The following CACNA2D4 variants were observed in gnomAD, a reference collection of about 807,000 sequenced individuals.
CACNA2D4 encodes calcium voltage-gated channel auxiliary subunit alpha2delta 4.
In CACNA2D4, 157 loss-of-function variants were observed where a neutral mutation model predicts 163.8. The observed-to-expected ratio is 0.96, with a 90% confidence interval of 0.84 to 1.09. CACNA2D4 has a LOEUF of 1.09. CACNA2D4 is among the 50% of genes least tolerant of loss of function. The pLI is 0.00. For synonymous variants in CACNA2D4, 598 were observed against 586.9 expected (o/e 1.02, Z -0.27); for missense variants, 1,410 against 1,479.9 (o/e 0.95, Z 0.78).
chr12:1,821,057 G>A (rs1864079208), intron 26 of CACNA2D4, among the ~76,000 whole-genome samples: 1 of 152,236 alleles, frequency 6.6e-6, no homozygotes, highest in Admixed American at 6.5e-5. Flanking sequence ...GGATTCTGCT[G>A]GGAAGTGGGG....
chr12:1,901,214 A>G (rs1360674226), intron 6 of CACNA2D4, among the ~76,000 whole-genome samples: 1 of 152,180 alleles, frequency 6.6e-6, no homozygotes, highest in Non-Finnish European at 1.5e-5. Flanking sequence ...ACTAAGATGG[A>G]AGTTTGTAGC....
At chr12:1,885,825 C>T (rs760618083) in intron 9 of CACNA2D4, 140 bp downstream of exon 9, 87 of 651,500 alleles carry the variant, frequency 1.3e-4, no homozygotes, top group Admixed American at 6.5e-4. Flanking sequence ...GGGTTGTTTG[C>T]ATGGGTAACG....
chr12:1,829,571 T>G lies in CACNA2D4; in HGVS notation c.2551+11168A>C, dbSNP rs1371008448. 6.6e-6 allele frequency among the ~76,000 whole-genome samples: 1 copy of G among 151,998 alleles called. No homozygotes were observed. The highest frequency in any genetic ancestry group is 1.5e-5 in the Non-Finnish European group (1 of 67,980). The stretch of plus-strand genomic sequence containing the variant: ...GTCAGCTCTCAGCTGTCATCGATCC[T>G]CCAGGCAGGGAAGGGGAGAGTCTCA... On this transcript the variant is annotated intron_variant, in intron 26 of 37. Transcript: ENST00000382722. This position sits in a 1 kb window ranked among gnomAD's most constrained non-coding sequence, Gnocchi z 4.2.
intron 18 of CACNA2D4, among the ~76,000 whole-genome samples, chr12:1,871,632 C>T (rs1028502017): frequency 4.8e-5 from 7 of 146,684 alleles, no homozygotes; most frequent in South Asian, 2.2e-4. Flanking sequence ...CATGTGTACA[C>T]GCGTGTTACT....
intron 37 of CACNA2D4, among the ~76,000 whole-genome samples, chr12:1,794,436 GAGTT>G (rs1863054151): frequency 6.6e-6 from 1 of 152,202 alleles, no homozygotes; most frequent in Non-Finnish European, 1.5e-5. Flanking sequence ...ACACTATTGA[GAGTT>G]AGCATTAGAG....
chr12:1,913,127 C>T lies in CACNA2D4; in HGVS notation c.322G>A (p.Val108Met), dbSNP rs1411523924. The part of the protein sequence containing the change: ...SLLLQKKYKD[V>M]ESSLKIEEVD... ...TCCTCGATCTTCAGACTGGACTCCA[C>T]ATCCTTGTACTTCTGTTTGGGGAAA... Residue 108 changes from valine (V) to methionine (M), a missense_variant, in exon 3 of 38, where the codon GTG (valine) becomes ATG (methionine). Coordinates refer to ENST00000382722, the MANE Select transcript of CACNA2D4 (RefSeq NM_172364.5). 1.2e-6 allele frequency: 2 copies of T among 1,612,158 alleles called. No individual in the cohort carries two copies. The highest frequency in any genetic ancestry group is 1.7e-6 in the Non-Finnish European group (2 of 1,178,204).
chr12:1,800,039 A>G lies in CACNA2D4; in HGVS notation c.2935T>C (p.Trp979Arg), dbSNP rs1467139709. 1 of 1,601,892 alleles carries G rather than the reference A, an allele frequency of 6.2e-7. No individual in the cohort carries two copies. Among genetic ancestry groups the G allele is most frequent in the Non-Finnish European group, 8.5e-7 (1 of 1,174,636 alleles). ...TCGTACCAGGAGCCCCAGACACTCCACTCCAGCAGGAACCTGTCAGACACA... is the reference window on the plus strand; with the variant it reads ...TCGTACCAGGAGCCCCAGACACTCCGCTCCAGCAGGAACCTGTCAGACACA... Reference protein sequence around the residue: ...LQELVLFLLEWSVWGSWYDRG... With the variant: ...LQELVLFLLERSVWGSWYDRG... Residue 979 changes from tryptophan to arginine, a missense_variant, in exon 33 of 38, where the codon TGG becomes CGG. Physicochemically the swap from Trp to Arg is moderately radical, Grantham distance 101. Transcript: ENST00000382722.
rs1372944094 is a variant in CACNA2D4 at position 1,869,725 on chromosome 12, A to G, written c.1878+4879T>C. Among the ~76,000 whole-genome samples, 1 of 152,066 alleles carries G rather than the reference A, an allele frequency of 6.6e-6. No homozygotes were observed. The highest frequency in any genetic ancestry group is 2.4e-5 in the African/African-American group (1 of 41,332). ...AGTTTCATAAGGTCTAATCCCTACGATAAAATCCTACATTCTATCACTCCC... is the reference window on the plus strand; with the variant it reads ...AGTTTCATAAGGTCTAATCCCTACGGTAAAATCCTACATTCTATCACTCCC... On this transcript the variant is annotated intron_variant, in intron 18 of 37. Coordinates refer to ENST00000382722, the MANE Select transcript of CACNA2D4 (RefSeq NM_172364.5). This position sits in a 1 kb window ranked among gnomAD's most constrained non-coding sequence, Gnocchi z 4.7.
Position 1,792,481 on chromosome 12 carries a change from G to T in CACNA2D4, c.*1174C>A, listed in dbSNP as rs1592641464. On this transcript the variant is annotated 3_prime_UTR_variant, in exon 38 of 38. Transcript: ENST00000382722. ...GGGAAGCGCCCCAAAAGCCCTGCATGCTGTCCATACCCATCACTGGGGTTT... is the reference window on the plus strand; with the variant it reads ...GGGAAGCGCCCCAAAAGCCCTGCATTCTGTCCATACCCATCACTGGGGTTT... 1 of 152,262 alleles carries T rather than the reference G, an allele frequency of 6.6e-6. No homozygotes were observed. The highest frequency in any genetic ancestry group is 1.5e-5 in the Non-Finnish European group (1 of 68,078). The allele number at this position is 152,262 out of a possible 1,614,324, so 9.4% of individuals were successfully genotyped here.
At chr12:1,856,803 C>T (rs985385148) in intron 20 of CACNA2D4, among the ~76,000 whole-genome samples, 1 of 152,194 alleles carries the variant, frequency 6.6e-6, no homozygotes, top group Non-Finnish European at 1.5e-5. Flanking sequence ...AGCTGATGCT[C>T]CATGGCACCT....
At chr12:1,796,480 C>G (rs1863131437) in intron 35 of CACNA2D4, among the ~76,000 whole-genome samples, 1 of 152,244 alleles carries the variant, frequency 6.6e-6, no homozygotes, top group Non-Finnish European at 1.5e-5. Context: ...CGGGGGAGCG[C>G]AGAGCCAGTT....
At position 1,834,264 on chromosome 12, in the gene CACNA2D4, T is replaced by C. The variant is rs1197742097; in HGVS notation, c.2551+6475A>G. ...AGCCCCTCTTTTTCTCTTCTGCATG[T>C]AGGGGGACGCTTGGACCAGCTTGCC... On this transcript the variant is annotated intron_variant, in intron 26 of 37. Coordinates refer to ENST00000382722, the MANE Select transcript of CACNA2D4 (RefSeq NM_172364.5). This position sits in a 1 kb window ranked among gnomAD's most constrained non-coding sequence, Gnocchi z 7.6. 3.8e-6 allele frequency: 6 copies of C among 1,558,968 alleles called. No individual in the cohort carries two copies. The highest frequency in any genetic ancestry group is 1.8e-5 in the Admixed American group (1 of 54,644).
chr12:1,901,836 C>T (rs956773987), intron 6 of CACNA2D4, among the ~76,000 whole-genome samples: 14 of 152,066 alleles, frequency 9.2e-5, no homozygotes, highest in African/African-American at 3.1e-4. Flanking sequence ...GGAAATACTT[C>T]CAAACTCAGT....
intron 18 of CACNA2D4, among the ~76,000 whole-genome samples, chr12:1,868,794 A>G (rs1245820410): frequency 6.6e-6 from 1 of 152,160 alleles, no homozygotes; most frequent in Non-Finnish European, 1.5e-5. Context: ...GTGGATCAAA[A>G]AGTATTCCAG....
chr12:1,869,702 T>C lies in CACNA2D4; in HGVS notation c.1878+4902A>G, dbSNP rs890405875. Among the ~76,000 whole-genome samples, 3 of 152,166 alleles carry C rather than the reference T, an allele frequency of 2.0e-5. No homozygotes were observed. The highest frequency in any genetic ancestry group is 7.2e-5 in the African/African-American group (3 of 41,424). ...TAGATTTCATAAACAGCTCCCACAG[T>C]TTCATAAGGTCTAATCCCTACGATA... On this transcript the variant is annotated intron_variant, in intron 18 of 37. Transcript: ENST00000382722. The surrounding 1 kb of genome is among the most constrained non-coding windows in gnomAD (Gnocchi z 4.7).
chr12:1,819,792 T>C (rs1312984704), intron 26 of CACNA2D4, among the ~76,000 whole-genome samples: 1 of 152,224 alleles, frequency 6.6e-6, no homozygotes. Flanking sequence ...CAAGGAGCCC[T>C]GAGAAGCCAA....
chr12:1,865,741 A>AGCCGGGGCGCGGGG (rs1410815133), intron 18 of CACNA2D4, among the ~76,000 whole-genome samples: 7 of 152,070 alleles, frequency 4.6e-5, no homozygotes, highest in African/African-American at 1.7e-4. Flanking sequence ...GTGTGTGGGG[A>AGCCGGGGCGCGGGG]ACCGGGGCGC....
In CACNA2D4 at chr12:1,873,755, C is replaced by T. The variant is rs370971201; in HGVS notation, c.1878+849G>A. On this transcript the variant is annotated intron_variant, in intron 18 of 37. Coordinates refer to ENST00000382722, the MANE Select transcript of CACNA2D4 (RefSeq NM_172364.5). ...TGACCTCACTATAGTGCCCAGTCTG[C>T]CTGCAGGAGGCCTTTCTCAGCCCAG... 1.1e-4 allele frequency among the ~76,000 whole-genome samples: 16 copies of T among 152,298 alleles called. No homozygotes were observed. In the East Asian group the frequency reaches 2.5e-3, roughly 24 times the overall value.
chr12:1,868,846 T>C (rs932645479), intron 18 of CACNA2D4, among the ~76,000 whole-genome samples: 3 of 152,212 alleles, frequency 2.0e-5, no homozygotes, highest in African/African-American at 7.2e-5. Flanking sequence ...GTACAGACTT[T>C]TTCTGTCATT....
Sources: allele counts gnomAD v4.1 joint callset (sites outside exome capture counted in the v4.1 genomes callset), GRCh38; gene constraint gnomAD v4.1.1; non-coding constraint Gnocchi (gnomAD v3.1); transcripts MANE v1.5; gene names NCBI Gene and HGNC (gene_info 2026-07-23, HGNC 2026-07-21).